Variants in PTP4A1 observed in about 807,000 individuals in gnomAD.
PTP4A1 encodes the protein protein tyrosine phosphatase 4A1.
In PTP4A1, 9 loss-of-function variants were observed where a neutral mutation model predicts 20.5. The ratio of observed to expected loss-of-function variants is 0.44; its 90% CI spans 0.26 to 0.77. The LOEUF is 0.77. PTP4A1 is among the 30% of genes least tolerant of loss of function. The probability of loss-of-function intolerance (pLI) is 0.19; values close to 1 mark genes in which losing one functional copy is unlikely to be tolerated. For missense variants in PTP4A1, 137 were observed against 218.8 expected (o/e 0.63, Z 2.36); for synonymous variants, 78 against 67.4 (o/e 1.16, Z -0.77).
intron 2 of PTP4A1, among the ~76,000 whole-genome samples, chr6:63,533,477 CA>C (rs1194846044): frequency 1.3e-5 from 2 of 152,134 alleles, no homozygotes; most frequent in African/African-American, 2.4e-5. Context: ...AAGGCTAGAA[CA>C]GAGCTCTTTA....
At chr6:63,565,406 A>C (rs1247279720) in intron 3 of PTP4A1, among the ~76,000 whole-genome samples, 1 of 152,174 alleles carries the variant, frequency 6.6e-6, no homozygotes, top group Non-Finnish European at 1.5e-5. Flanking sequence ...AATGGGCATA[A>C]TAGAGATCGA....
At chr6:63,579,646 A>G (rs1381024640) in intron 5 of PTP4A1, among the ~76,000 whole-genome samples, 1 of 152,206 alleles carries the variant, frequency 6.6e-6, no homozygotes, top group Non-Finnish European at 1.5e-5. Flanking sequence ...AGGTCTCCAA[A>G]GGAGACCAGT....
intron 1 of PTP4A1, among the ~76,000 whole-genome samples, chr6:63,573,830 C>T (rs1008802683): frequency 7.9e-5 from 12 of 152,148 alleles, no homozygotes; most frequent in Non-Finnish European, 1.5e-4. Context: ...ACTTCCCGTC[C>T]GGGCACCAGC....
At chr6:63,549,638 G>T in intron 2 of PTP4A1, 1 of 473,390 alleles carries the variant, frequency 2.1e-6, no homozygotes, top group Non-Finnish European at 3.7e-6. Flanking sequence ...TACAAAAATG[G>T]AATCCTGTCA....
intron 2 of PTP4A1, among the ~76,000 whole-genome samples, chr6:63,530,627 T>C (rs1174734099): frequency 6.6e-6 from 1 of 151,890 alleles, no homozygotes; most frequent in South Asian, 2.1e-4. Flanking sequence ...TAGGGAATAA[T>C]AGAAAAAAAG....
chr6:63,575,318 T>C (rs770854124), intron 1 of PTP4A1, among the ~76,000 whole-genome samples: 8 of 152,234 alleles, frequency 5.3e-5, no homozygotes, highest in Non-Finnish European at 1.0e-4. Context: ...TAACCTGTTA[T>C]TAATACTTTC....
intron 2 of PTP4A1, chr6:63,549,009 A>G (rs1218659505): frequency 5.5e-6 from 4 of 728,970 alleles, no homozygotes; most frequent in Admixed American, 3.8e-5. Context: ...CAAGAAGACA[A>G]CCAGCTCGAT....
intron 1 of PTP4A1, among the ~76,000 whole-genome samples, chr6:63,525,511 C>T (rs1775122432): frequency 2.0e-5 from 3 of 152,194 alleles, no homozygotes; most frequent in Non-Finnish European, 2.9e-5. Flanking sequence ...CACTATTTCC[C>T]CATCTCCCAG....
At chr6:63,547,461 A>G (rs1776241361) in intron 2 of PTP4A1, among the ~76,000 whole-genome samples, 2 of 139,500 alleles carry the variant, frequency 1.4e-5, no homozygotes, top group South Asian at 4.7e-4. Context: ...AAGTGCTGGG[A>G]TTACAGGCGT....
At chr6:63,569,820 AAGT>A (rs896413386), upstream of PTP4A1, among the ~76,000 whole-genome samples, 3 of 152,150 alleles carry the variant, frequency 2.0e-5, no homozygotes, top group African/African-American at 7.2e-5. Context: ...CACTATTTTC[AAGT>A]CTGTTAGAGA....
At chr6:63,528,860 C>T (rs949293687) in intron 2 of PTP4A1, among the ~76,000 whole-genome samples, 15 of 151,628 alleles carry the variant, frequency 9.9e-5, no homozygotes, top group Admixed American at 3.3e-4. Flanking sequence ...AGGCCGAGGC[C>T]GGTGGATTAC....
At chr6:63,575,910 A>G (rs950480584) in intron 1 of PTP4A1, among the ~76,000 whole-genome samples, 1 of 152,140 alleles carries the variant, frequency 6.6e-6, no homozygotes, top group South Asian at 2.1e-4. Context: ...AAGAACTTAG[A>G]TGTTTCAGTT....
chr6:63,529,165 ATATATATATATGTATATATATGTGTG>A, intron 2 of PTP4A1, among the ~76,000 whole-genome samples: 1 of 43,514 alleles, frequency 2.3e-5, no homozygotes, highest in Middle Eastern at 0.011. Context: ...ATATGTGTGT[ATATATATATATGTATATATATGTGTG>A]TATATATATA....
In PTP4A1 at chr6:63,582,281, A is replaced by G. The variant is rs927415510; in HGVS notation, c.*2107A>G. The G allele has an allele frequency of 2.0e-5, 3 of 152,610 alleles. No individual in the cohort carries two copies. The highest frequency in any genetic ancestry group is 7.2e-5 in the African/African-American group (3 of 41,450). 9.5% of individuals were successfully genotyped at this position (152,610 alleles called of 1,614,324 possible). On this transcript the variant is annotated 3_prime_UTR_variant, in exon 6 of 6. Transcript: ENST00000626021. ...ATGTTAAACTATTACCACACAGCCC[A>G]TAAAACAGCATTTGCGTTTATTGAG... is the stretch of plus-strand genomic sequence containing the variant.
chr6:63,549,418 A>T, intron 2 of PTP4A1: 1 of 751,366 alleles, frequency 1.3e-6, no homozygotes, highest in Non-Finnish European at 2.4e-6. Flanking sequence ...TTTCTCAAAC[A>T]GGGGATTCAC....
intron 2 of PTP4A1, among the ~76,000 whole-genome samples, chr6:63,530,101 G>T (rs1454827119): frequency 1.3e-5 from 2 of 152,070 alleles, no homozygotes; most frequent in African/African-American, 2.4e-5. Context: ...CTGAAAATGA[G>T]CCGATAGAAA....
At chr6:63,561,198 G>C (rs1349704403) in intron 3 of PTP4A1, among the ~76,000 whole-genome samples, 1 of 152,148 alleles carries the variant, frequency 6.6e-6, no homozygotes, top group African/African-American at 2.4e-5. Flanking sequence ...TAAGCCACTG[G>C]AATTTGAATT....
chr6:63,534,179 T>C (rs1307954506), intron 2 of PTP4A1, among the ~76,000 whole-genome samples: 2 of 151,916 alleles, frequency 1.3e-5, no homozygotes, highest in African/African-American at 2.4e-5. Flanking sequence ...CTGCCATTCA[T>C]CACAAATTGA....
intron 3 of PTP4A1, among the ~76,000 whole-genome samples, chr6:63,553,407 G>A (rs983740805): frequency 6.6e-6 from 1 of 152,202 alleles, no homozygotes; most frequent in East Asian, 1.9e-4. Context: ...GTGTTCAGTA[G>A]TGAAAGCCAA....
Sources: gnomAD v4.1 joint callset for allele counts (sites outside exome capture counted in the v4.1 genomes callset) on GRCh38, gnomAD v4.1.1 for gene constraint, MANE v1.5 for transcripts, NCBI Gene and HGNC (gene_info 2026-07-23, HGNC 2026-07-21) for gene names.